The following DENND5B variants were observed in gnomAD, a reference collection of about 807,000 sequenced individuals.
DENND5B encodes the protein DENN domain-containing protein 5B.
Under a neutral mutation model 140.6 loss-of-function variants are expected in DENND5B, and 34 were observed. The ratio of observed to expected loss-of-function variants is 0.24; its 90% confidence interval spans 0.18 to 0.32. DENND5B has a LOEUF of 0.32. Ranked by LOEUF, DENND5B falls within the 10% of genes least tolerant of loss-of-function variation. The pLI is 1.00. For missense variants in DENND5B, 1,142 were observed against 1,560.2 expected, an observed-to-expected ratio of 0.73 and a Z score of 4.52; for synonymous variants, 551 against 562.1, an observed-to-expected ratio of 0.98 and a Z score of 0.28.
rs899925033 is a variant in DENND5B, at chr12:31,413,364, G to A, written c.2681+72C>T. The A allele has an allele frequency of 5.2e-6, 8 of 1,542,278 alleles. No homozygotes were observed. In the Admixed American group the frequency reaches 7.5e-5, roughly 14 times the overall value. On this transcript the variant is annotated intron_variant, in intron 13 of 20. Transcript: ENST00000389082. ...CACTTCATACTGAAGAAGCCAGTTT[G>A]TCAGTTTATGCAACTTGTTTTGTAT...
intron 17 of DENND5B, chr12:31,396,615 G>C (rs1262783996): frequency 6.6e-6 from 1 of 152,100 alleles, no homozygotes; most frequent in African/African-American, 2.4e-5. Flanking sequence ...TTTAAAATTG[G>C]CACCAAAAAC....
chr12:31,576,389 T>G (rs1950018147), intron 1 of DENND5B, among the ~76,000 whole-genome samples: 1 of 144,016 alleles, frequency 6.9e-6, no homozygotes, highest in Non-Finnish European at 1.5e-5. Context: ...GGAGACAGAG[T>G]GTGTTGCAGT....
intron 1 of DENND5B, among the ~76,000 whole-genome samples, chr12:31,542,388 A>G (rs1948710914): frequency 6.6e-6 from 1 of 152,162 alleles, no homozygotes; most frequent in Non-Finnish European, 1.5e-5. Context: ...GATGGGGGAA[A>G]GTGGGAATGG....
At chr12:31,572,744 C>CTCTA (rs957316207) in intron 1 of DENND5B, among the ~76,000 whole-genome samples, 1 of 152,128 alleles carries the variant, frequency 6.6e-6, no homozygotes, top group African/African-American at 2.4e-5. Context: ...GTATGACACC[C>CTCTA]TCTAATTCTG....
chr12:31,489,828 C>T lies in DENND5B; in HGVS notation c.237+5982G>A, dbSNP rs546669673. On this transcript the variant is annotated intron_variant, in intron 2 of 20. Coordinates refer to ENST00000389082, the MANE Select transcript of DENND5B (RefSeq NM_144973.4). ...GGTGGAAGGTGATGGTCAGGAGCAG[C>T]TTCTCTATATAAATGTTTACAGTGA... Among the ~76,000 whole-genome samples the T allele has an allele frequency of 1.6e-4, 25 of 152,264 alleles. No homozygotes were observed. The South Asian group carries it at 5.2e-3, about 32-fold the overall frequency.
At chr12:31,446,696 C>A (rs574825424) in intron 6 of DENND5B, among the ~76,000 whole-genome samples, 4 of 150,672 alleles carry the variant, frequency 2.7e-5, no homozygotes, top group South Asian at 2.1e-4. Flanking sequence ...GAGATCGACA[C>A]CATCCTGGCT....
chr12:31,425,134 G>A (rs971234110), intron 9 of DENND5B, among the ~76,000 whole-genome samples: 1 of 152,124 alleles, frequency 6.6e-6, no homozygotes, highest in South Asian at 2.1e-4. Context: ...CCAACATGGT[G>A]AAACCCTGTC....
intron 1 of DENND5B, among the ~76,000 whole-genome samples, chr12:31,583,017 G>A (rs1249778592): frequency 1.3e-5 from 2 of 152,210 alleles, no homozygotes; most frequent in East Asian, 3.8e-4. Context: ...AAACAGGCCA[G>A]GCGTGGTGGC....
intron 2 of DENND5B, among the ~76,000 whole-genome samples, chr12:31,488,411 A>T (rs183841009): frequency 6.6e-6 from 1 of 152,222 alleles, no homozygotes; most frequent in African/African-American, 2.4e-5. Flanking sequence ...ACTGCTGTTG[A>T]ACAGCTGCCA....
chr12:31,499,705 G>T (rs972843796), intron 1 of DENND5B: 3 of 1,416,432 alleles, frequency 2.1e-6, no homozygotes, highest in African/African-American at 2.9e-5. Context: ...AAAGCTTTAT[G>T]AACAAATAAA....
At chr12:31,495,060 C>T (rs562117634) in intron 2 of DENND5B, among the ~76,000 whole-genome samples, 2 of 152,252 alleles carry the variant, frequency 1.3e-5, no homozygotes, top group East Asian at 1.9e-4. Flanking sequence ...ACCTAAATAA[C>T]GCAATTAAGT....
chr12:31,452,494 A>ATTTTGT lies in DENND5B; in HGVS notation c.1093-19_1093-18insACAAAA. The ATTTTGT allele has an allele frequency of 6.4e-7, 1 of 1,571,204 alleles. No homozygotes were observed. Among genetic ancestry groups the ATTTTGT allele is most frequent in the Non-Finnish European group, 8.6e-7 (1 of 1,162,692 alleles). Reference sequence around the variant, plus strand: ...AAATTAGCCTGAAAGAGAAAAATGAAATACAAAGGTTTAAAATAAAGGAAT... The same window carrying ATTTTGT: ...AAATTAGCCTGAAAGAGAAAAATGAATTTTGTATACAAAGGTTTAAAATAAAGGAAT... On this transcript the variant is annotated intron_variant, in intron 4 of 20. Coordinates refer to ENST00000389082, the MANE Select transcript of DENND5B (RefSeq NM_144973.4).
chr12:31,448,285 C>A (rs1371449037), intron 5 of DENND5B, among the ~76,000 whole-genome samples: 2 of 152,154 alleles, frequency 1.3e-5, no homozygotes, highest in Admixed American at 6.5e-5. Context: ...CAGGCGCCTG[C>A]CACCACGCCC....
chr12:31,447,551 A>C lies in DENND5B; in HGVS notation c.1848T>G (p.Thr616=). 6.2e-7 allele frequency: 1 copy of C among 1,606,116 alleles called. No individual in the cohort carries two copies. Among genetic ancestry groups the C allele is most frequent in the Non-Finnish European group, 8.5e-7 (1 of 1,176,084 alleles). Residue 616 remains threonine, a synonymous_variant, in exon 6 of 21, where the codon ACT becomes ACG. Transcript: ENST00000389082. ...LRTSIYQKCS[T]LKEAAQSIEQ... The stretch of plus-strand genomic sequence containing the variant: ...TGGCAAATGTACCTGCTTCTTTTAA[A>C]GTGCTGCATTTCTGATATATAGATG...
intron 1 of DENND5B, among the ~76,000 whole-genome samples, chr12:31,550,826 C>T: frequency 6.6e-6 from 1 of 152,164 alleles, no homozygotes. Context: ...TGATGATGAG[C>T]ATTTTTTCAT....
At chr12:31,563,529 A>G (rs1352056849) in intron 1 of DENND5B, among the ~76,000 whole-genome samples, 1 of 152,136 alleles carries the variant, frequency 6.6e-6, no homozygotes, top group Non-Finnish European at 1.5e-5. Context: ...AAGCAGGAAC[A>G]CCTAAGTGAA....
At chr12:31,505,239 C>CTTTTTTTT (rs200931111) in intron 1 of DENND5B, among the ~76,000 whole-genome samples, 4 of 129,130 alleles carry the variant, frequency 3.1e-5, no homozygotes, top group African/African-American at 5.7e-5. Context: ...CAGAATTTGC[C>CTTTTTTTT]TTTTTTTTTT....
intron 1 of DENND5B, among the ~76,000 whole-genome samples, chr12:31,500,914 A>T (rs1946979084): frequency 6.6e-6 from 1 of 152,176 alleles, no homozygotes; most frequent in Non-Finnish European, 1.5e-5. Flanking sequence ...TCTAATCATA[A>T]GAAAAACATC....
chr12:31,585,360 T>A lies in DENND5B; in HGVS notation c.127+5346A>T, dbSNP rs143405482. ...CCAAGGATGTCAACAAAGCTAACAA[T>A]TGACACAGTATCAATGGTATTTGGA... On this transcript the variant is annotated intron_variant, in intron 1 of 20. Coordinates refer to ENST00000389082, the MANE Select transcript of DENND5B (RefSeq NM_144973.4). Among the ~76,000 whole-genome samples the A allele has an allele frequency of 4.1e-3, 631 of 152,284 alleles. 5 individuals are homozygous for A. Among genetic ancestry groups the A allele is most frequent in the African/African-American group, 0.014 (575 of 41,562 alleles).
Sources: allele counts gnomAD v4.1 joint callset (sites outside exome capture counted in the v4.1 genomes callset), GRCh38; gene constraint gnomAD v4.1.1; transcripts MANE v1.5; gene names NCBI Gene and HGNC (gene_info 2026-07-23, HGNC 2026-07-21).